ZDHHC14: variants seen among roughly 807,000 people sequenced by gnomAD.
The protein encoded by ZDHHC14 is zDHHC palmitoyltransferase 14.
In ZDHHC14, 16 loss-of-function variants were observed where a neutral mutation model predicts 47.7. The ratio of observed to expected loss-of-function variants is 0.34; its 90% CI spans 0.23 to 0.51. The LOEUF (loss-of-function observed/expected upper bound fraction) is 0.51, where lower values mean the gene tolerates loss of function less well. Among genes scored for constraint, ZDHHC14 ranks in the 20% least tolerant of loss-of-function variants. The pLI is 0.97. For missense variants in ZDHHC14, 515 were observed against 662.5 expected (o/e 0.78, Z 2.44); for synonymous variants, 293 against 278.9 (o/e 1.05, Z -0.50).
chr6:157,542,486 T>C, intron 1 of ZDHHC14, 99 bp from the exon 2 acceptor site: 2 of 1,438,778 alleles, frequency 1.4e-6, no homozygotes. Context: ...CCAAATAAGC[T>C]TTTGATTTCT....
intron 1 of ZDHHC14, among the ~76,000 whole-genome samples, chr6:157,535,021 A>G (rs1781494280): frequency 6.6e-6 from 1 of 152,226 alleles, no homozygotes; most frequent in Non-Finnish European, 1.5e-5. Flanking sequence ...TGAAGCCTGT[A>G]TTATAAAGCT....
Position 157,617,746 on chromosome 6 carries a change from C to T in ZDHHC14, c.566-10603C>T, listed in dbSNP as rs138744865. Among the ~76,000 whole-genome samples the T allele has an allele frequency of 4.4e-3, 673 of 152,196 alleles. 3 individuals are homozygous for T. The highest frequency in any genetic ancestry group is 7.1e-3 in the Non-Finnish European group (485 of 68,012). ...TCTTAAATAACTGGACATGAAAGAACATAAGAGTCACGAGGGTGGGGGAGC... is the reference window on the plus strand; with the variant it reads ...TCTTAAATAACTGGACATGAAAGAATATAAGAGTCACGAGGGTGGGGGAGC... On this transcript the variant is annotated intron_variant, in intron 3 of 8. Coordinates refer to ENST00000359775, the MANE Select transcript of ZDHHC14 (RefSeq NM_024630.3).
At chr6:157,510,856 C>A (rs1780450220) in intron 1 of ZDHHC14, among the ~76,000 whole-genome samples, 1 of 152,254 alleles carries the variant, frequency 6.6e-6, no homozygotes, top group Admixed American at 6.5e-5. Context: ...TGGCCTCTGC[C>A]TTCCTCAGAC....
At chr6:157,665,897 A>C (rs1426233211) in intron 8 of ZDHHC14, among the ~76,000 whole-genome samples, 1 of 152,234 alleles carries the variant, frequency 6.6e-6, no homozygotes, top group African/African-American at 2.4e-5. Flanking sequence ...GTGTGACCAC[A>C]GGTGTCTCTT....
rs34287258 is a variant in ZDHHC14, at chr6:157,473,988, C to CT, written c.246-68579dup. Among the ~76,000 whole-genome samples the CT allele has an allele frequency of 6.0e-3, 713 of 118,570 alleles. 6 individuals are homozygous for CT. Among genetic ancestry groups the CT allele is most frequent in the Non-Finnish European group, 6.7e-3 (379 of 56,766 alleles). 77.8% of individuals were successfully genotyped at this position (118,570 alleles called of 152,430 possible). A position where few individuals can be genotyped will look rare whatever the true frequency, so the allele number is the denominator to read the frequency against. On this transcript the variant is annotated intron_variant, in intron 1 of 8. Transcript: ENST00000359775. ...TTCAACCTATACCATATTTTCTTTT[C>CT]TTTTTTTTTTTTTTTTTTGAGACGG... is the stretch of plus-strand genomic sequence containing the variant.
intron 1 of ZDHHC14, among the ~76,000 whole-genome samples, chr6:157,462,396 T>C (rs1440457190): frequency 6.6e-6 from 1 of 152,224 alleles, no homozygotes; most frequent in Admixed American, 6.5e-5. Context: ...AACAGCAAAG[T>C]TACCTCGAGC....
intron 8 of ZDHHC14, among the ~76,000 whole-genome samples, chr6:157,669,411 G>GA (rs1215891601): frequency 6.6e-6 from 1 of 152,118 alleles, no homozygotes; most frequent in East Asian, 1.9e-4. Flanking sequence ...GGGTTGAGGC[G>GA]AGCCCACCTC....
chr6:157,424,064 A>G (rs549166222), intron 1 of ZDHHC14, among the ~76,000 whole-genome samples: 9 of 152,370 alleles, frequency 5.9e-5, no homozygotes, highest in African/African-American at 1.4e-4. Context: ...CGTGCTTTGC[A>G]TAACAGTCTG....
At chr6:157,653,933 G>A (rs1431706666) in intron 8 of ZDHHC14, among the ~76,000 whole-genome samples, 3 of 152,174 alleles carry the variant, frequency 2.0e-5, no homozygotes, top group South Asian at 4.1e-4. Context: ...GGATCAGGCT[G>A]TTGTTACACA....
At chr6:157,505,995 T>C (rs567163019) in intron 1 of ZDHHC14, among the ~76,000 whole-genome samples, 1 of 152,338 alleles carries the variant, frequency 6.6e-6, no homozygotes, top group South Asian at 2.1e-4. Flanking sequence ...CTAGTGTAGA[T>C]AGCACCTGTG....
At position 157,418,189 on chromosome 6, in the gene ZDHHC14, C is replaced by T. The variant is rs2024875; in HGVS notation, c.245+35923C>T. Among the ~76,000 whole-genome samples the T allele has an allele frequency of 1.2e-3, 185 of 152,204 alleles. 1 individual carries two copies. In the East Asian group the frequency reaches 0.015, roughly 12 times the overall value. ...AGAAGTGAGGAGGCCCTGTCCCACG[C>T]GTGTCTTATGGCCCATTCTCAAACC... On this transcript the variant is annotated intron_variant, in intron 1 of 8. Transcript: ENST00000359775.
In ZDHHC14 at chr6:157,675,323, A is replaced by C. The variant is rs1023562125; in HGVS notation, c.*2201A>C. The C allele has an allele frequency of 5.3e-5, 8 of 152,078 alleles. No individual in the cohort carries two copies. Among genetic ancestry groups the C allele is most frequent in the African/African-American group, 1.9e-4 (8 of 41,376 alleles). 9.4% of individuals were successfully genotyped at this position (152,078 alleles called of 1,614,324 possible). On this transcript the variant is annotated 3_prime_UTR_variant, in exon 9 of 9. Transcript: ENST00000359775. ...TCTCCTGTGACCAGCCCTTCTTCCC[A>C]CCTCACTGTGAAAAATTCCCAGAAG...
At chr6:157,430,401 A>G (rs534686013) in intron 1 of ZDHHC14, among the ~76,000 whole-genome samples, 3 of 152,136 alleles carry the variant, frequency 2.0e-5, no homozygotes, top group South Asian at 4.2e-4. Context: ...ACTAAAGCAA[A>G]GATACCAGAA....
chr6:157,626,746 G>A (rs1295717260), intron 3 of ZDHHC14, among the ~76,000 whole-genome samples: 1 of 151,998 alleles, frequency 6.6e-6, no homozygotes, highest in South Asian at 2.1e-4. Context: ...TTGGGCAAAC[G>A]TATGGATTGC....
intron 2 of ZDHHC14, among the ~76,000 whole-genome samples, chr6:157,558,507 G>A (rs1782571843): frequency 6.6e-6 from 1 of 152,128 alleles, no homozygotes; most frequent in African/African-American, 2.4e-5. Flanking sequence ...TAATGACTCT[G>A]GTGCAAACAT....
chr6:157,640,074 G>A (rs1287806259), intron 5 of ZDHHC14, among the ~76,000 whole-genome samples: 2 of 152,146 alleles, frequency 1.3e-5, no homozygotes, highest in African/African-American at 2.4e-5. Context: ...TCCGATTCGC[G>A]GAGGCCAAAA....
At chr6:157,494,899 C>T (rs868443805) in intron 1 of ZDHHC14, among the ~76,000 whole-genome samples, 4 of 152,070 alleles carry the variant, frequency 2.6e-5, no homozygotes, top group South Asian at 2.1e-4. Flanking sequence ...TAATGCTCAT[C>T]GATACCTTGA....
chr6:157,448,038 C>CTGTA (rs1554258293), intron 1 of ZDHHC14, among the ~76,000 whole-genome samples: 122 of 151,948 alleles, frequency 8.0e-4, no homozygotes, highest in African/African-American at 2.9e-3. Flanking sequence ...CACCTGGCTA[C>CTGTA]TTTATTTATT....
At chr6:157,382,294 G>A in intron 1 of ZDHHC14, 28 bp downstream of exon 1, 2 of 1,609,262 alleles carry the variant, frequency 1.2e-6, no homozygotes, top group Non-Finnish European at 1.7e-6. Context: ...CTCCCCCGAC[G>A]CCGCACTCCC....
Sources: allele counts gnomAD v4.1 joint callset (sites outside exome capture counted in the v4.1 genomes callset), GRCh38; gene constraint gnomAD v4.1.1; transcripts MANE v1.5; gene names NCBI Gene and HGNC (gene_info 2026-07-23, HGNC 2026-07-21).